The following SEMA5A variants were observed in gnomAD, a reference collection of about 807,000 sequenced individuals.
SEMA5A encodes semaphorin 5A, also known as semaphorin-5A.
In SEMA5A, 55 loss-of-function variants were observed where a neutral mutation model predicts 135.5. The observed-to-expected ratio is 0.41, with a 90% CI of 0.33 to 0.51. SEMA5A has a LOEUF of 0.51. Among genes scored for constraint, SEMA5A ranks in the 20% least tolerant of loss-of-function variants. The pLI is 0.37. For missense variants in SEMA5A, 1,290 were observed against 1,419.9 expected, an observed-to-expected ratio of 0.91 and a Z score of 1.47; for synonymous variants, 580 against 546.5, an observed-to-expected ratio of 1.06 and a Z score of -0.85.
At chr5:9,194,654 A>G (rs529444963) in intron 10 of SEMA5A, among the ~76,000 whole-genome samples, 1 of 152,372 alleles carries the variant, frequency 6.6e-6, no homozygotes, top group Non-Finnish European at 1.5e-5. Context: ...ACTAGGAGTT[A>G]TACAAAGAAT....
chr5:9,075,402 A>C (rs1405994015), intron 16 of SEMA5A, among the ~76,000 whole-genome samples: 3 of 152,228 alleles, frequency 2.0e-5, no homozygotes, highest in Non-Finnish European at 4.4e-5. Flanking sequence ...TAATTGTAAT[A>C]GACAAGAAAC....
intron 3 of SEMA5A, among the ~76,000 whole-genome samples, chr5:9,361,418 A>G (rs984897464): frequency 2.0e-5 from 3 of 152,232 alleles, no homozygotes; most frequent in Non-Finnish European, 2.9e-5. Flanking sequence ...GAAAGGAGGG[A>G]AAGTGATGAA....
At chr5:9,374,206 T>C (rs1755261814) in intron 3 of SEMA5A, among the ~76,000 whole-genome samples, 1 of 152,094 alleles carries the variant, frequency 6.6e-6, no homozygotes, top group Non-Finnish European at 1.5e-5. Context: ...AAGCGTGTTA[T>C]GCAATGAACT....
intron 5 of SEMA5A, among the ~76,000 whole-genome samples, chr5:9,286,833 A>G (rs959718786): frequency 2.0e-5 from 3 of 152,266 alleles, no homozygotes; most frequent in Admixed American, 6.5e-5. Flanking sequence ...GCAGAGAATA[A>G]GAAACACTGA....
At chr5:9,214,204 C>T (rs548179660) in intron 8 of SEMA5A, among the ~76,000 whole-genome samples, 7 of 152,176 alleles carry the variant, frequency 4.6e-5, no homozygotes, top group South Asian at 2.1e-4. Context: ...AGCATGCATG[C>T]GGGAAAAATA....
chr5:9,304,584 C>G (rs1480222537), intron 5 of SEMA5A, among the ~76,000 whole-genome samples: 1 of 152,136 alleles, frequency 6.6e-6, no homozygotes, highest in Non-Finnish European at 1.5e-5. Context: ...ACTTTCAACT[C>G]TTTAACTGGT....
chr5:9,106,250 A>G (rs1034615119), intron 16 of SEMA5A, among the ~76,000 whole-genome samples: 1 of 152,238 alleles, frequency 6.6e-6, no homozygotes, highest in African/African-American at 2.4e-5. Flanking sequence ...CTGGATTTGA[A>G]AGCAGTGGTT....
intron 5 of SEMA5A, among the ~76,000 whole-genome samples, chr5:9,312,076 G>A (rs551666783): frequency 1.3e-5 from 2 of 152,264 alleles, no homozygotes; most frequent in East Asian, 1.9e-4. Flanking sequence ...TGTTCAGTGA[G>A]CATCTACCTC....
At chr5:9,057,475 G>A (rs1736955727) in intron 18 of SEMA5A, among the ~76,000 whole-genome samples, 1 of 152,224 alleles carries the variant, frequency 6.6e-6, no homozygotes, top group Non-Finnish European at 1.5e-5. Flanking sequence ...ATGTGATCTA[G>A]TCTAATAAAT....
At chr5:9,443,232 T>TCTGTGG (rs971208867) in intron 1 of SEMA5A, among the ~76,000 whole-genome samples, 7 of 152,098 alleles carry the variant, frequency 4.6e-5, no homozygotes, top group Non-Finnish European at 1.0e-4. Context: ...AATGGCAATC[T>TCTGTGG]CTGTGGCTGG....
intron 9 of SEMA5A, 76 bp downstream of exon 9, chr5:9,201,879 C>T: frequency 1.4e-6 from 2 of 1,403,800 alleles, no homozygotes; most frequent in Admixed American, 4.4e-5. Flanking sequence ...AATTTAAAAC[C>T]TCAGAGGTCA....
chr5:9,139,917 A>T lies in SEMA5A; in HGVS notation c.1482-3296T>A, dbSNP rs1741973104. Among the ~76,000 whole-genome samples, 4 of 152,264 alleles carry T rather than the reference A, an allele frequency of 2.6e-5. No individual in the cohort carries two copies. The Middle Eastern group carries it at 0.01, about 388-fold the overall frequency. ...CTAAGGTATCATTTTTTGGCTCCCT[A>T]TCCTTTATCCACTTGAAATGTATTT... On this transcript the variant is annotated intron_variant, in intron 12 of 22. Transcript: ENST00000382496.
chr5:9,297,389 G>T (rs539169360), intron 5 of SEMA5A, among the ~76,000 whole-genome samples: 1 of 152,124 alleles, frequency 6.6e-6, no homozygotes, highest in South Asian at 2.1e-4. Context: ...GGTCACGAGG[G>T]TGACACCTTC....
At chr5:9,075,505 T>A (rs1291117442) in intron 16 of SEMA5A, among the ~76,000 whole-genome samples, 2 of 147,218 alleles carry the variant, frequency 1.4e-5, no homozygotes, top group African/African-American at 5.0e-5. Flanking sequence ...GAACTCTTAA[T>A]ATACAAAACA....
chr5:9,121,057 C>T (rs757240901), intron 14 of SEMA5A, among the ~76,000 whole-genome samples: 9 of 152,198 alleles, frequency 5.9e-5, no homozygotes, highest in South Asian at 2.1e-4. Context: ...AGATTACAGG[C>T]GTGAGCGACC....
chr5:9,424,654 C>A (rs1308683018), intron 2 of SEMA5A, among the ~76,000 whole-genome samples: 1 of 152,164 alleles, frequency 6.6e-6, no homozygotes, highest in Non-Finnish European at 1.5e-5. Flanking sequence ...CCTCCAACCC[C>A]TATACCTCCC....
intron 16 of SEMA5A, among the ~76,000 whole-genome samples, chr5:9,078,784 T>C (rs963821470): frequency 1.3e-5 from 2 of 152,114 alleles, no homozygotes; most frequent in Non-Finnish European, 1.5e-5. Context: ...AGAGTACTTA[T>C]GGCAGACATA....
chr5:9,162,966 G>A (rs926197319), intron 11 of SEMA5A, among the ~76,000 whole-genome samples: 3 of 152,096 alleles, frequency 2.0e-5, no homozygotes, highest in Non-Finnish European at 4.4e-5. Flanking sequence ...AGAGACATAT[G>A]CAATCCCTAT....
chr5:9,198,740 A>C (rs1745549455), intron 9 of SEMA5A, among the ~76,000 whole-genome samples: 1 of 152,164 alleles, frequency 6.6e-6, no homozygotes, highest in African/African-American at 2.4e-5. Flanking sequence ...GAGAAGTTAA[A>C]ACACAAGTAC....
Sources: gnomAD v4.1 joint callset for allele counts (sites outside exome capture counted in the v4.1 genomes callset) on GRCh38, gnomAD v4.1.1 for gene constraint, MANE v1.5 for transcripts, NCBI Gene and HGNC (gene_info 2026-07-23, HGNC 2026-07-21) for gene names.